TMEM14A: variants seen among roughly 807,000 people sequenced by gnomAD.
TMEM14A encodes the protein transmembrane protein 14A.
A neutral mutation model predicts 11.6 loss-of-function variants in TMEM14A; 8 were observed. The ratio of observed to expected loss-of-function variants is 0.69; its 90% CI spans 0.40 to 1.24. The LOEUF is 1.24. TMEM14A is among the 50% of genes most tolerant of loss of function. The probability of loss-of-function intolerance (pLI) is 0.01; values close to 1 mark genes in which losing one functional copy is unlikely to be tolerated. For synonymous variants in TMEM14A, 34 were observed against 45.5 expected (o/e 0.75, Z 1.02); for missense variants, 108 against 121.9 (o/e 0.89, Z 0.54).
In TMEM14A at chr6:52,677,235, A is replaced by T; in HGVS notation, c.70+63A>T. On this transcript the variant is annotated intron_variant, in intron 2 of 4. Coordinates refer to ENST00000211314, the MANE Select transcript of TMEM14A (RefSeq NM_014051.4). ...GGGGGTTTGGAGGTTGTGCTAGGTC[A>T]TGTGAGGCTCTGTAAGTAGGATGAG... 3 of 1,550,300 alleles carry T rather than the reference A, an allele frequency of 1.9e-6. No homozygotes were observed. The South Asian group carries it at 3.3e-5, about 17-fold the overall frequency.
intron 4 of TMEM14A, among the ~76,000 whole-genome samples, chr6:52,685,364 C>A (rs967689028): frequency 6.6e-6 from 1 of 152,126 alleles, no homozygotes; most frequent in East Asian, 1.9e-4. Context: ...AAGGCTTTGG[C>A]GGGTGGATCA....
intron 3 of TMEM14A, among the ~76,000 whole-genome samples, chr6:52,683,091 G>A (rs952590389): frequency 2.0e-5 from 3 of 152,162 alleles, no homozygotes; most frequent in Non-Finnish European, 4.4e-5. Context: ...GCTACTTAGT[G>A]TTTCTGAGGG....
rs371102796 is a variant in TMEM14A, at chr6:52,680,704, T to TATATATATATATATACAC, written c.71-1108_71-1107insTATATATATATATACACA. On this transcript the variant is annotated intron_variant, in intron 2 of 4. Transcript: ENST00000211314. Reference sequence around the variant, plus strand: ...ATATACATATATGTATATATATATATACACATATATATATGGCATGGATGA... The same window carrying TATATATATATATATACAC: ...ATATACATATATGTATATATATATATATATATATATATATACACACACATATATATATGGCATGGATGA... 5.0e-3 allele frequency among the ~76,000 whole-genome samples: 258 copies of TATATATATATATATACAC among 51,096 alleles called. 49 individuals carry two copies. The highest frequency in any genetic ancestry group is 0.027 in the Middle Eastern group (3 of 110). The allele number at this position is 51,096 out of a possible 152,430, so 33.5% of individuals were successfully genotyped here.
intron 2 of TMEM14A, among the ~76,000 whole-genome samples, chr6:52,678,663 A>G (rs572481444): frequency 6.6e-6 from 1 of 152,314 alleles, no homozygotes; most frequent in African/African-American, 2.4e-5. Flanking sequence ...ACCAGCACTG[A>G]TACTCAGGTG....
intron 2 of TMEM14A, among the ~76,000 whole-genome samples, 189 bp downstream of exon 2, chr6:52,677,361 A>C (rs1292081828): frequency 6.6e-6 from 1 of 152,162 alleles, no homozygotes; most frequent in African/African-American, 2.4e-5. Context: ...AGAGTGTTCC[A>C]ACCTGGGGGT....
At chr6:52,684,192 T>A in intron 4 of TMEM14A, 27 bp downstream of exon 4, 1 of 1,591,742 alleles carries the variant, frequency 6.3e-7, no homozygotes, top group South Asian at 1.1e-5. Context: ...TGATCAATAC[T>A]TTCCTCTGCT....
rs1216910587 is a variant in TMEM14A at position 52,680,621 on chromosome 6, A to ATG, written c.71-1188_71-1187dup. Among the ~76,000 whole-genome samples, 329 of 88,430 alleles carry ATG rather than the reference A, an allele frequency of 3.7e-3. 2 individuals are homozygous for ATG. The highest frequency in any genetic ancestry group is 6.3e-3 in the Non-Finnish European group (273 of 43,400). 58.0% of individuals were successfully genotyped at this position (88,430 alleles called of 152,430 possible). On this transcript the variant is annotated intron_variant, in intron 2 of 4. Coordinates refer to ENST00000211314, the MANE Select transcript of TMEM14A (RefSeq NM_014051.4). Reference sequence around the variant, plus strand: ...TATATATATATATATATGTATATATATGTGTATATATATATGTGTGTATAT... The same window carrying ATG: ...TATATATATATATATATGTATATATATGTGTGTATATATATATGTGTGTATAT...
chr6:52,672,450 T>C (rs781468100), intron 1 of TMEM14A, among the ~76,000 whole-genome samples: 1 of 152,066 alleles, frequency 6.6e-6, no homozygotes, highest in Non-Finnish European at 1.5e-5. Context: ...AAGCTTCAGA[T>C]CTGTATGTAA....
intron 1 of TMEM14A, among the ~76,000 whole-genome samples, chr6:52,673,093 A>G (rs1769191953): frequency 6.6e-6 from 1 of 152,200 alleles, no homozygotes; most frequent in South Asian, 2.1e-4. Flanking sequence ...CCCTTCTGCC[A>G]GGAACACCCT....
intron 1 of TMEM14A, among the ~76,000 whole-genome samples, chr6:52,676,838 A>G (rs979969510): frequency 5.9e-5 from 9 of 152,138 alleles, no homozygotes; most frequent in African/African-American, 1.9e-4. Context: ...CACGCTTTCA[A>G]ACATCCAGAT....
chr6:52,680,706 C>CATATATGTGTATAT (rs1397954310), intron 2 of TMEM14A, among the ~76,000 whole-genome samples: 5 of 24,464 alleles, frequency 2.0e-4, no homozygotes, highest in Non-Finnish European at 4.7e-4. Flanking sequence ...TATATATATA[C>CATATATGTGTATAT]ACATATATAT....
chr6:52,685,548 A>G (rs1357318188), intron 4 of TMEM14A, among the ~76,000 whole-genome samples: 1 of 151,794 alleles, frequency 6.6e-6, no homozygotes, highest in Non-Finnish European at 1.5e-5. Context: ...CTGCGTCACT[A>G]TACTCCAGCC....
In TMEM14A at chr6:52,684,214, G is replaced by T. The variant is rs538677938; in HGVS notation, c.260+49G>T. 1.4e-5 allele frequency: 22 copies of T among 1,536,318 alleles called. No homozygotes were observed. The East Asian group carries it at 5.0e-4, about 35-fold the overall frequency. Reference sequence around the variant, plus strand: ...TACTTTCCTCTGCTGTTGTTTTGAAGTGCTGAATTTTTGGGAAACATCAAT... The same window carrying T: ...TACTTTCCTCTGCTGTTGTTTTGAATTGCTGAATTTTTGGGAAACATCAAT... On this transcript the variant is annotated intron_variant, in intron 4 of 4. Transcript: ENST00000211314.
At chr6:52,677,269 G>A in intron 2 of TMEM14A, 97 bp downstream of exon 2, 1 of 1,343,510 alleles carries the variant, frequency 7.4e-7, no homozygotes, top group Non-Finnish European at 1.1e-6. Context: ...AGAAGCTAAA[G>A]ATGCCTTAGA....
chr6:52,678,339 G>A lies in TMEM14A; in HGVS notation c.70+1167G>A, dbSNP rs1010053418. Among the ~76,000 whole-genome samples the A allele has an allele frequency of 4.4e-4, 66 of 148,574 alleles. 1 individual carries two copies. In the South Asian group the frequency reaches 0.011, roughly 25 times the overall value. ...TGTGTATGTGTGTGTTTGTGTGTGT[G>A]TGTGTGTGTGTGTGTGTGTGTGTGT... On this transcript the variant is annotated intron_variant, in intron 2 of 4. Transcript: ENST00000211314.
At chr6:52,671,385 G>A (rs1236976116) in intron 1 of TMEM14A, 140 bp downstream of exon 1, 17 of 152,242 alleles carry the variant, frequency 1.1e-4, no homozygotes, top group Admixed American at 1.1e-3. Flanking sequence ...AGAGGACCTT[G>A]AGGGGATTTT....
At chr6:52,678,108 A>G (rs1769293664) in intron 2 of TMEM14A, among the ~76,000 whole-genome samples, 1 of 152,232 alleles carries the variant, frequency 6.6e-6, no homozygotes, top group Non-Finnish European at 1.5e-5. Context: ...TAAGACCTGT[A>G]AACCAAGTAC....
At chr6:52,680,709 A>ATATATG in intron 2 of TMEM14A, among the ~76,000 whole-genome samples, 5 of 121,642 alleles carry the variant, frequency 4.1e-5, no homozygotes, top group East Asian at 2.6e-4. Flanking sequence ...ATATATACAC[A>ATATATG]TATATATATG....
intron 2 of TMEM14A, among the ~76,000 whole-genome samples, chr6:52,679,878 T>C (rs922888510): frequency 1.5e-4 from 3 of 19,646 alleles, no homozygotes; most frequent in African/African-American, 6.4e-4. Flanking sequence ...GTGGGGAGGG[T>C]GGGGTGGGGT....
Sources: allele counts gnomAD v4.1 joint callset (sites outside exome capture counted in the v4.1 genomes callset), GRCh38; gene constraint gnomAD v4.1.1; transcripts MANE v1.5; gene names NCBI Gene and HGNC (gene_info 2026-07-23, HGNC 2026-07-21).